Variants in IQGAP2 observed in about 807,000 individuals in gnomAD.
IQGAP2 encodes IQ motif containing GTPase activating protein 2.
Under a neutral mutation model 201.3 loss-of-function variants are expected in IQGAP2, and 173 were observed. That is an observed-to-expected ratio of 0.86 (90% CI 0.76 to 0.98). IQGAP2 has a LOEUF of 0.98. IQGAP2 is among the 50% of genes least tolerant of loss of function. The pLI is 0.00. For missense variants in IQGAP2, 1,687 were observed against 1,864.8 expected (o/e 0.90, Z 1.76); for synonymous variants, 675 against 673.9 (o/e 1.00, Z -0.03).
Position 76,476,680 on chromosome 5 carries a change from C to T in IQGAP2, c.146+15011C>T, listed in dbSNP as rs371694255. Among the ~76,000 whole-genome samples, 119 of 152,114 alleles carry T rather than the reference C, an allele frequency of 7.8e-4. 1 individual carries two copies. The South Asian group carries it at 0.016, about 21-fold the overall frequency. On this transcript the variant is annotated intron_variant, in intron 2 of 35. Coordinates refer to ENST00000274364, the MANE Select transcript of IQGAP2 (RefSeq NM_006633.5). The stretch of plus-strand genomic sequence containing the variant: ...GGGTCAGGACTTTTACTAGAGTTTA[C>T]TAGGAAACCAAATCCACTGCAGAAA...
At chr5:76,500,778 T>C (rs572394021) in intron 2 of IQGAP2, among the ~76,000 whole-genome samples, 2 of 152,316 alleles carry the variant, frequency 1.3e-5, no homozygotes, top group South Asian at 4.1e-4. Flanking sequence ...TTCTTATCTT[T>C]AGAGCTCAAG....
chr5:76,405,828 T>C (rs943037972), intron 1 of IQGAP2, among the ~76,000 whole-genome samples: 45 of 152,340 alleles, frequency 3.0e-4, no homozygotes, highest in Non-Finnish European at 5.6e-4. Context: ...GTTCTAGGGC[T>C]GTGCTTTTTC....
chr5:76,575,783 G>A lies in IQGAP2; in HGVS notation c.458+14G>A, dbSNP rs779334720. 2.2e-5 allele frequency: 33 copies of A among 1,486,822 alleles called. No individual in the cohort carries two copies. Among genetic ancestry groups the A allele is most frequent in the Non-Finnish European group, 3.0e-5 (33 of 1,089,508 alleles). 92.1% of individuals were successfully genotyped at this position (1,486,822 alleles called of 1,614,324 possible). A position where few individuals can be genotyped will look rare whatever the true frequency, so the allele number is the denominator to read the frequency against. ...TCACGCACTGAGGTAGGGGGAAAAT[G>A]CAGCTAAAAGGTGCTCTAAGAAGTA... On this transcript the variant is annotated intron_variant, in intron 5 of 35. Coordinates refer to ENST00000274364, the MANE Select transcript of IQGAP2 (RefSeq NM_006633.5).
chr5:76,634,823 T>C (rs573398634), intron 15 of IQGAP2, among the ~76,000 whole-genome samples: 6 of 152,346 alleles, frequency 3.9e-5, no homozygotes, highest in African/African-American at 1.4e-4. Context: ...GCGTATAATT[T>C]TGTCTGCAAG....
At chr5:76,479,478 G>T (rs1369425483) in intron 2 of IQGAP2, among the ~76,000 whole-genome samples, 1 of 152,170 alleles carries the variant, frequency 6.6e-6, no homozygotes, top group Non-Finnish European at 1.5e-5. Context: ...GCAAGGTGTT[G>T]TGTGGTGGAA....
intron 2 of IQGAP2, among the ~76,000 whole-genome samples, chr5:76,561,143 T>G (rs1296093558): frequency 6.6e-6 from 1 of 152,224 alleles, no homozygotes; most frequent in East Asian, 1.9e-4. Flanking sequence ...AATTAAAAAC[T>G]CATGAATTTT....
chr5:76,575,668 A>G, intron 4 of IQGAP2, 25 bp from the exon 5 acceptor site: 1 of 1,450,840 alleles, frequency 6.9e-7, no homozygotes, highest in Non-Finnish European at 9.5e-7. Context: ...AACATATAAT[A>G]AATATTGTTT....
Position 76,665,132 on chromosome 5 carries a change from G to GA in IQGAP2, c.2641dup (p.Thr881AsnfsTer21), listed in dbSNP as rs1445521486. The GA allele has an allele frequency of 6.2e-7, 1 of 1,613,490 alleles. No homozygotes were observed. Among genetic ancestry groups the GA allele is most frequent in the South Asian group, 1.1e-5 (1 of 91,016 alleles). On this transcript the variant is annotated frameshift_variant, in exon 22 of 36. Transcript: ENST00000274364. LOFTEE classifies it high-confidence loss of function. ...ATAAAAAGTTTGAGTAAGGAGAGGA[G>GA]AAAAACACTAGAAACATATCAGCAG...
intron 25 of IQGAP2, 103 bp downstream of exon 25, chr5:76,673,692 T>A: frequency 8.3e-7 from 1 of 1,211,690 alleles, no homozygotes; most frequent in South Asian, 1.4e-5. Context: ...TCCCTTATAT[T>A]GTGTTTACTA....
chr5:76,663,205 A>G (rs1406496261), intron 21 of IQGAP2, among the ~76,000 whole-genome samples: 1 of 152,214 alleles, frequency 6.6e-6, no homozygotes, highest in African/African-American at 2.4e-5. Flanking sequence ...CCCTGCTGAT[A>G]GCCGGTGGTG....
At chr5:76,508,566 G>A (rs569743312) in intron 2 of IQGAP2, among the ~76,000 whole-genome samples, 120 of 152,042 alleles carry the variant, frequency 7.9e-4, no homozygotes, top group African/African-American at 2.6e-3. Flanking sequence ...GATCAGACCC[G>A]GTTTGGTGGC....
chr5:76,427,288 GC>G (rs1752065306), intron 1 of IQGAP2, among the ~76,000 whole-genome samples: 1 of 152,170 alleles, frequency 6.6e-6, no homozygotes. Flanking sequence ...TTTTTGTGAA[GC>G]TGTGTGTTGC....
chr5:76,468,027 G>C lies in IQGAP2; in HGVS notation c.146+6358G>C, dbSNP rs1048181280. On this transcript the variant is annotated intron_variant, in intron 2 of 35. Coordinates refer to ENST00000274364, the MANE Select transcript of IQGAP2 (RefSeq NM_006633.5). ...GGGCTGATAAAAATATTCTAAAATT[G>C]ATTGTGGTGATGGTTGCACAACTTT... Among the ~76,000 whole-genome samples, 12 of 152,240 alleles carry C rather than the reference G, an allele frequency of 7.9e-5. 1 individual carries two copies. Among genetic ancestry groups the C allele is most frequent in the African/African-American group, 2.9e-4 (12 of 41,536 alleles).
intron 13 of IQGAP2, among the ~76,000 whole-genome samples, chr5:76,619,915 G>A (rs555956035): frequency 6.6e-6 from 1 of 152,244 alleles, no homozygotes; most frequent in Admixed American, 6.5e-5. Context: ...GGTTGTCAAA[G>A]TCAGAGATTT....
Position 76,701,117 on chromosome 5 carries a change from C to T in IQGAP2, c.4409C>T (p.Pro1470Leu), listed in dbSNP as rs1419638742. The change falls in exon 34 of 36, where the codon CCC (proline) becomes CTC (leucine). Residue 1470 changes from proline (P) to leucine (L), a missense_variant. Pro to Leu is a moderately conservative substitution (Grantham distance 98). Transcript: ENST00000274364. ...ATTAAACTAGATGGAAAAGGAGAACCCAAAGGGGCGAAGAGAGCGAAGCCA... is the reference window on the plus strand; with the variant it reads ...ATTAAACTAGATGGAAAAGGAGAACTCAAAGGGGCGAAGAGAGCGAAGCCA... ...RSIKLDGKGEPKGAKRAKPVK... is the reference protein window; with the variant it reads ...RSIKLDGKGELKGAKRAKPVK... The T allele has an allele frequency of 1.9e-6, 3 of 1,614,068 alleles. No individual in the cohort carries two copies. Among genetic ancestry groups the T allele is most frequent in the Non-Finnish European group, 2.5e-6 (3 of 1,179,942 alleles).
intron 2 of IQGAP2, among the ~76,000 whole-genome samples, chr5:76,480,473 T>C (rs1755707656): frequency 6.6e-6 from 1 of 152,180 alleles, no homozygotes; most frequent in African/African-American, 2.4e-5. Flanking sequence ...TCTCTGCAGA[T>C]TTCTTGGTCA....
intron 5 of IQGAP2, among the ~76,000 whole-genome samples, chr5:76,588,182 G>A (rs1038854595): frequency 2.0e-5 from 3 of 152,118 alleles, no homozygotes; most frequent in African/African-American, 7.2e-5. Flanking sequence ...AAATCATTCA[G>A]TTCACTTTCT....
At chr5:76,425,236 T>C (rs1033368723) in intron 1 of IQGAP2, among the ~76,000 whole-genome samples, 5 of 152,232 alleles carry the variant, frequency 3.3e-5, no homozygotes, top group Non-Finnish European at 7.3e-5. Context: ...GGACTGAGGA[T>C]CGGTTCAACA....
intron 2 of IQGAP2, among the ~76,000 whole-genome samples, chr5:76,533,704 A>AT (rs528505463): frequency 2.8e-4 from 42 of 151,844 alleles, no homozygotes; most frequent in Middle Eastern, 6.8e-3. Context: ...CACCTGGCTA[A>AT]TTTTTTGTAT....
Sources: allele counts gnomAD v4.1 joint callset (sites outside exome capture counted in the v4.1 genomes callset), GRCh38; gene constraint gnomAD v4.1.1; transcripts MANE v1.5; gene names NCBI Gene and HGNC (gene_info 2026-07-23, HGNC 2026-07-21).